The following LSAMP variants were observed in gnomAD, a reference collection of about 807,000 sequenced individuals.
LSAMP encodes limbic system-associated membrane protein.
LSAMP carries 7 observed loss-of-function variants against 38.6 expected under a neutral mutation model. The ratio of observed to expected loss-of-function variants is 0.18; its 90% CI spans 0.10 to 0.34. The LOEUF (loss-of-function observed/expected upper bound fraction) is 0.34. Ranked by LOEUF, LSAMP falls within the 10% of genes least tolerant of loss-of-function variation. The probability of loss-of-function intolerance (pLI) is 1.00; values close to 1 mark genes in which losing one functional copy is unlikely to be tolerated. For missense variants in LSAMP, 313 were observed against 420.0 expected (o/e 0.75, Z 2.23); for synonymous variants, 154 against 166.8 (o/e 0.92, Z 0.59).
chr3:116,333,313 G>C (rs1340174985), intron 1 of LSAMP, among the ~76,000 whole-genome samples: 1 of 152,072 alleles, frequency 6.6e-6, no homozygotes, highest in Non-Finnish European at 1.5e-5. Flanking sequence ...GACTGAGGCA[G>C]GTGGATCATG....
In LSAMP at chr3:115,993,084, ACAT is replaced by A. The variant is rs1478907066; in HGVS notation, c.514+26428_514+26430del. ...AGTTTTTACTCTGTAAGCTAGGAAT[ACAT>A]TTATATTTCTCCTACATACTCTACA... is the stretch of plus-strand genomic sequence containing the variant. On this transcript the variant is annotated intron_variant, in intron 3 of 6. Transcript: ENST00000490035. Among the ~76,000 whole-genome samples, 136 of 152,256 alleles carry A rather than the reference ACAT, an allele frequency of 8.9e-4. 2 individuals carry two copies.
At chr3:116,265,539 C>CATAAGAATCTA (rs2046880077) in intron 1 of LSAMP, among the ~76,000 whole-genome samples, 1 of 152,122 alleles carries the variant, frequency 6.6e-6, no homozygotes, top group African/African-American at 2.4e-5. Context: ...CTGCTCTGGC[C>CATAAGAATCTA]ATAAGAATCT....
intron 2 of LSAMP, among the ~76,000 whole-genome samples, chr3:116,081,395 A>G (rs1474676363): frequency 1.3e-5 from 2 of 152,108 alleles, no homozygotes; most frequent in East Asian, 3.9e-4. Flanking sequence ...CAGAGGTTGC[A>G]GTGAGCCAAG....
intron 1 of LSAMP, among the ~76,000 whole-genome samples, chr3:116,340,680 T>C (rs142324385): frequency 1.6e-4 from 25 of 152,042 alleles, no homozygotes; most frequent in African/African-American, 4.8e-4. Context: ...GGCTTCTATC[T>C]ACATATAAAA....
chr3:116,213,953 C>T (rs556659078), intron 1 of LSAMP, among the ~76,000 whole-genome samples: 14 of 152,250 alleles, frequency 9.2e-5, no homozygotes, highest in Non-Finnish European at 1.9e-4. Context: ...TTCAGTTGAG[C>T]AAGATGAACC....
chr3:116,431,668 T>A (rs1576220448), intron 1 of LSAMP, among the ~76,000 whole-genome samples: 1 of 152,168 alleles, frequency 6.6e-6, no homozygotes. Flanking sequence ...TCTAATCACG[T>A]CTTCATATGC....
chr3:115,963,190 A>G (rs1419399828), intron 3 of LSAMP, among the ~76,000 whole-genome samples: 1 of 152,210 alleles, frequency 6.6e-6, no homozygotes, highest in African/African-American at 2.4e-5. Flanking sequence ...ATATAAGTAC[A>G]ACTACTAAAT....
At chr3:116,003,184 T>A (rs9289035) in intron 3 of LSAMP, among the ~76,000 whole-genome samples, 2,577 of 152,232 alleles carry the variant, frequency 0.017, 62 homozygotes, top group African/African-American at 0.056. Context: ...CTGAAGGAAG[T>A]CACTTTACTG....
rs568198457 is a variant in LSAMP at position 116,432,209 on chromosome 3, T to C, written c.155+12668A>G. On this transcript the variant is annotated intron_variant, in intron 1 of 6. Transcript: ENST00000490035. ...AAGTGATGCAACAAATTAATTAGGT[T>C]CCTATTAAAGTGTGACGTGACCCAA... Among the ~76,000 whole-genome samples the C allele has an allele frequency of 1.6e-4, 25 of 152,094 alleles. No homozygotes were observed. The South Asian group carries it at 4.8e-3, about 29-fold the overall frequency.
At chr3:116,243,776 A>G (rs1563937) in intron 1 of LSAMP, among the ~76,000 whole-genome samples, 150,331 of 152,320 alleles carry the variant, frequency 0.99, 74,225 homozygotes, top group Middle Eastern at 1. Flanking sequence ...GTGGCAAGGA[A>G]ATATATGGGA....
At chr3:116,289,309 G>A (rs2047232570) in intron 1 of LSAMP, among the ~76,000 whole-genome samples, 1 of 152,128 alleles carries the variant, frequency 6.6e-6, no homozygotes, top group Non-Finnish European at 1.5e-5. Flanking sequence ...TATTCACAAT[G>A]TACCATAACA....
chr3:116,235,776 A>G (rs2046459908), intron 1 of LSAMP, among the ~76,000 whole-genome samples: 1 of 152,194 alleles, frequency 6.6e-6, no homozygotes. Flanking sequence ...TAGTTCTACA[A>G]TTCCTGTAAC....
At chr3:116,095,208 C>CT in intron 1 of LSAMP, among the ~76,000 whole-genome samples, 1 of 152,284 alleles carries the variant, frequency 6.6e-6, no homozygotes, top group East Asian at 1.9e-4. Flanking sequence ...AGCACCCTTT[C>CT]TGTGATTAGG....
chr3:116,128,250 AC>A (rs770475409), intron 1 of LSAMP, among the ~76,000 whole-genome samples: 6 of 152,340 alleles, frequency 3.9e-5, no homozygotes, highest in Non-Finnish European at 5.9e-5. Context: ...TGATGCTCAA[AC>A]CTTTTTACAG....
intron 3 of LSAMP, among the ~76,000 whole-genome samples, chr3:115,926,664 G>A (rs1278587121): frequency 6.6e-6 from 1 of 152,150 alleles, no homozygotes; most frequent in East Asian, 1.9e-4. Flanking sequence ...CGTGCATCAG[G>A]AGTTGAGAAC....
chr3:116,206,135 AGT>A (rs1367105595), intron 1 of LSAMP, among the ~76,000 whole-genome samples: 1 of 149,088 alleles, frequency 6.7e-6, no homozygotes, highest in African/African-American at 2.5e-5. Context: ...GTCTTGGGAG[AGT>A]GTATGTGTTG....
chr3:116,014,931 A>G (rs1217364227), intron 3 of LSAMP, among the ~76,000 whole-genome samples: 1 of 152,168 alleles, frequency 6.6e-6, no homozygotes, highest in Non-Finnish European at 1.5e-5. Context: ...TAATAGCATT[A>G]ATAGAATTAA....
intron 2 of LSAMP, among the ~76,000 whole-genome samples, chr3:116,058,846 C>G (rs1324369040): frequency 6.6e-6 from 1 of 151,982 alleles, no homozygotes; most frequent in East Asian, 1.9e-4. Context: ...GTTTCTAAGA[C>G]ACATACAGGT....
intron 1 of LSAMP, among the ~76,000 whole-genome samples, chr3:116,351,539 T>C (rs182524848): frequency 6.7e-5 from 10 of 148,664 alleles, no homozygotes; most frequent in Admixed American, 4.7e-4. Flanking sequence ...ACATTACGTG[T>C]AATTATATTC....
Sources: gnomAD v4.1 joint callset for allele counts (sites outside exome capture counted in the v4.1 genomes callset) on GRCh38, gnomAD v4.1.1 for gene constraint, MANE v1.5 for transcripts, NCBI Gene and HGNC (gene_info 2026-07-23, HGNC 2026-07-21) for gene names.